The following ZNF697 variants were observed in gnomAD, a reference collection of about 807,000 sequenced individuals.
The protein encoded by ZNF697 is zinc finger protein 697.
A neutral mutation model predicts 32.4 loss-of-function variants in ZNF697; 23 were observed. The observed-to-expected ratio is 0.71, with a 90% CI of 0.51 to 1.01. ZNF697 has a LOEUF of 1.01. ZNF697 is among the 50% of genes least tolerant of loss of function. The pLI is 0.00. For synonymous variants in ZNF697, 418 were observed against 337.2 expected, an observed-to-expected ratio of 1.24 and a Z score of -2.62; for missense variants, 930 against 794.0, an observed-to-expected ratio of 1.17 and a Z score of -2.06.
chr1:119,646,322 A>AACACACAC (rs61339576), intron 1 of ZNF697, among the ~76,000 whole-genome samples: 4,601 of 136,858 alleles, frequency 0.034, 111 homozygotes, highest in Non-Finnish European at 0.042. Context: ...CCCCACTTCC[A>AACACACAC]ACACACACAC....
chr1:119,626,145 A>C lies in ZNF697; in HGVS notation c.-37-8T>G, dbSNP rs1413943557. 2 of 1,610,524 alleles carry C rather than the reference A, an allele frequency of 1.2e-6. No homozygotes were observed. On this transcript the variant is annotated splice_polypyrimidine_tract_variant and splice_region_variant and intron_variant, in intron 1 of 2. Transcript: ENST00000421812. ...GGAGGTGACCAGGAATCCCTGCTCC[A>C]GAAAAACACAAAGAAAGGTCACGTC...
chr1:119,624,849 C>CA (rs1449650618), intron 2 of ZNF697, among the ~76,000 whole-genome samples: 1 of 152,032 alleles, frequency 6.6e-6, no homozygotes, highest in Non-Finnish European at 1.5e-5. Flanking sequence ...CCTCGGCTCC[C>CA]AAAGAGCTGG....
intron 1 of ZNF697, among the ~76,000 whole-genome samples, chr1:119,628,419 G>T (rs975499205): frequency 6.6e-6 from 1 of 152,140 alleles, no homozygotes; most frequent in Non-Finnish European, 1.5e-5. Context: ...TGGAAACATG[G>T]TTTTTCTAGA....
At position 119,623,916 on chromosome 1, in the gene ZNF697, A is replaced by C. The variant is rs765977726; in HGVS notation, c.427T>G (p.Trp143Gly). 3 of 1,572,126 alleles carry C rather than the reference A, an allele frequency of 1.9e-6. No homozygotes were observed. The highest frequency in any genetic ancestry group is 2.3e-5 in the South Asian group (2 of 85,128). The change falls in exon 3 of 3, where the codon TGG becomes GGG. Residue 143 changes from tryptophan (W) to glycine (G), a missense_variant. By Grantham distance (184) the Trp-to-Gly change is radical (BLOSUM62 -2). Transcript: ENST00000421812. ...CTCCCCAGGGAGAGATGTCGCCTCC[A>C]GGGAAGTACGGGAGGGGCCGGCTGC... ...EEQPAPPVLP[W>G]RRHLSLGSRH...
intron 1 of ZNF697, among the ~76,000 whole-genome samples, chr1:119,644,455 G>A (rs760716156): frequency 6.6e-5 from 10 of 152,162 alleles, no homozygotes; most frequent in Non-Finnish European, 1.5e-4. Context: ...GGAAGTGGAG[G>A]ACTTCAGGAG....
At chr1:119,636,088 C>T (rs919684919) in intron 1 of ZNF697, among the ~76,000 whole-genome samples, 3 of 152,186 alleles carry the variant, frequency 2.0e-5, no homozygotes, top group African/African-American at 7.2e-5. Flanking sequence ...TCATTCATAA[C>T]TTGAACATCA....
intron 1 of ZNF697, among the ~76,000 whole-genome samples, chr1:119,640,907 T>G (rs1322406744): frequency 1.3e-5 from 2 of 152,194 alleles, no homozygotes; most frequent in Admixed American, 1.3e-4. Context: ...GAGTTTCATG[T>G]TTTGTTTTGT....
chr1:119,626,023 G>T lies in ZNF697; in HGVS notation c.78C>A (p.Asp26Glu). 6.2e-7 allele frequency: 1 copy of T among 1,613,994 alleles called. No individual in the cohort carries two copies. The highest frequency in any genetic ancestry group is 8.5e-7 in the Non-Finnish European group (1 of 1,179,902). Residue 26 changes from aspartate (D) to glutamate (E), a missense_variant, in exon 2 of 3, where the codon GAC becomes GAA. By Grantham distance (45) the Asp-to-Glu change is conservative (BLOSUM62 2). Coordinates refer to ENST00000421812, the MANE Select transcript of ZNF697 (RefSeq NM_001080470.2). ...EDKGMGSDFE[D>E]SEDREGDPEE... ...CTGGGTCCCCTTCCCTGTCCTCAGA[G>T]TCCTCAAAATCAGAACCCATCCCTT... is the stretch of plus-strand genomic sequence containing the variant.
chr1:119,623,394 A>G lies in ZNF697; in HGVS notation c.949T>C (p.Tyr317His). The G allele has an allele frequency of 1.3e-6, 2 of 1,509,126 alleles. No individual in the cohort carries two copies. The highest frequency in any genetic ancestry group is 1.5e-5 in the African/African-American group (1 of 68,082). 93.5% of individuals were successfully genotyped at this position (1,509,126 alleles called of 1,614,324 possible). The change falls in exon 3 of 3, where the codon TAC becomes CAC. Residue 317 changes from tyrosine (Y) to histidine (H), a missense_variant. By Grantham distance (83) the Tyr-to-His change is moderately conservative. Transcript: ENST00000421812. Reference protein sequence around the residue: ...HRRLHTGEKPYPCPECGEAFS... With the variant: ...HRRLHTGEKPHPCPECGEAFS... Reference sequence around the variant, plus strand: ...GCCTCGCCGCACTCGGGGCACGGGTAGGGCTTCTCGCCCGTGTGCAGGCGC... The same window carrying G: ...GCCTCGCCGCACTCGGGGCACGGGTGGGGCTTCTCGCCCGTGTGCAGGCGC...
chr1:119,647,309 AG>A (rs1649239321), intron 1 of ZNF697, among the ~76,000 whole-genome samples: 1 of 152,014 alleles, frequency 6.6e-6, no homozygotes, highest in South Asian at 2.1e-4. Flanking sequence ...CATCCCCGCG[AG>A]GTGCAGGTTC....
intron 1 of ZNF697, among the ~76,000 whole-genome samples, chr1:119,626,447 A>G (rs1648593846): frequency 2.6e-5 from 4 of 152,294 alleles, no homozygotes; most frequent in African/African-American, 9.6e-5. Context: ...AGATGTTCCC[A>G]TTTTTACAGC....
At chr1:119,624,655 C>T (rs923837932) in intron 2 of ZNF697, among the ~76,000 whole-genome samples, 124 of 152,244 alleles carry the variant, frequency 8.1e-4, no homozygotes, top group African/African-American at 2.7e-3. Context: ...AGTGCAGTGG[C>T]GCAATCTTGG....
intron 1 of ZNF697, 26 bp from the exon 2 acceptor site, chr1:119,626,163 G>T: frequency 6.2e-7 from 1 of 1,604,740 alleles, no homozygotes; most frequent in South Asian, 1.1e-5. Flanking sequence ...ACAAAGAAAG[G>T]TCACGTCAGT....
At chr1:119,643,651 A>G (rs1003997315) in intron 1 of ZNF697, among the ~76,000 whole-genome samples, 3 of 152,144 alleles carry the variant, frequency 2.0e-5, no homozygotes, top group African/African-American at 7.2e-5. Flanking sequence ...TTCTCCCCCA[A>G]TAAGTGCAGC....
At chr1:119,629,389 C>T (rs1487386178) in intron 1 of ZNF697, among the ~76,000 whole-genome samples, 1 of 152,140 alleles carries the variant, frequency 6.6e-6, no homozygotes, top group African/African-American at 2.4e-5. Flanking sequence ...GCTCCTTTCC[C>T]ATTCATTCTC....
chr1:119,633,002 G>C (rs1371561349), intron 1 of ZNF697, among the ~76,000 whole-genome samples: 1 of 152,156 alleles, frequency 6.6e-6, no homozygotes, highest in African/African-American at 2.4e-5. Context: ...TTTAGTAAGA[G>C]AAACTTTGGG....
chr1:119,622,004 A>C lies in ZNF697; in HGVS notation c.*701T>G, dbSNP rs1376140617. 6.6e-6 allele frequency: 1 copy of C among 152,638 alleles called. No homozygotes were observed. The highest frequency in any genetic ancestry group is 1.5e-5 in the Non-Finnish European group (1 of 68,040). 9.5% of individuals were successfully genotyped at this position (152,638 alleles called of 1,614,324 possible). ...CTAGAGTATTTTCAAGGAAGTAGCA[A>C]AGAACCCGGGACAGAATCAGGATTT... is the stretch of plus-strand genomic sequence containing the variant. On this transcript the variant is annotated 3_prime_UTR_variant, in exon 3 of 3. Transcript: ENST00000421812.
intron 1 of ZNF697, among the ~76,000 whole-genome samples, chr1:119,643,928 C>T (rs1388245504): frequency 6.6e-6 from 1 of 152,198 alleles, no homozygotes; most frequent in Non-Finnish European, 1.5e-5. Context: ...CTCTTTCTAT[C>T]CCTCTTCTAC....
Position 119,623,986 on chromosome 1 carries a change from G to C in ZNF697, c.357C>G (p.Asp119Glu). ...GGTTCTCCCCAGCACTCTCGTCGTC[G>C]TCCTCCCGGAGGCTCCGGGATATGC... is the stretch of plus-strand genomic sequence containing the variant. ...SDSISRSLRE[D>E]DDESAGENRL... Residue 119 changes from aspartate (D) to glutamate (E), a missense_variant, in exon 3 of 3, where the codon GAC becomes GAG. Physicochemically the swap from Asp to Glu is conservative, Grantham distance 45. Coordinates refer to ENST00000421812, the MANE Select transcript of ZNF697 (RefSeq NM_001080470.2). 2.5e-6 allele frequency: 4 copies of C among 1,611,766 alleles called. No individual in the cohort carries two copies. Among genetic ancestry groups the C allele is most frequent in the South Asian group, 1.1e-5 (1 of 90,404 alleles).
Sources: gnomAD v4.1 joint callset for allele counts (sites outside exome capture counted in the v4.1 genomes callset) on GRCh38, gnomAD v4.1.1 for gene constraint, MANE v1.5 for transcripts, NCBI Gene and HGNC (gene_info 2026-07-23, HGNC 2026-07-21) for gene names.